MSRA: variants seen among roughly 807,000 people sequenced by gnomAD.
MSRA encodes the protein methionine sulfoxide reductase A.
Under a neutral mutation model 31.3 loss-of-function variants are expected in MSRA, and 54 were observed. The ratio of observed to expected loss-of-function variants is 1.73; its 90% CI spans 1.39 to 2.17. The LOEUF (loss-of-function observed/expected upper bound fraction) is 2.17, where lower values mean the gene tolerates loss of function less well. Among genes scored for constraint, MSRA ranks in the 30% most tolerant of loss-of-function variants. MSRA has a pLI of 0.00. For missense variants in MSRA, 507 were observed against 300.9 expected (o/e 1.69, Z -5.07); for synonymous variants, 169 against 116.5 (o/e 1.45, Z -2.90).
intron 1 of MSRA, among the ~76,000 whole-genome samples, chr8:10,207,354 G>A (rs958965162): frequency 2.0e-5 from 3 of 152,160 alleles, no homozygotes; most frequent in African/African-American, 7.2e-5. Context: ...GACATGTTCT[G>A]CTATTGTGTT....
At chr8:10,184,133 A>G (rs986993068) in intron 1 of MSRA, among the ~76,000 whole-genome samples, 2 of 148,738 alleles carry the variant, frequency 1.3e-5, no homozygotes, top group African/African-American at 5.0e-5. Context: ...GTTAGTGTTG[A>G]TAGTGATGGT....
chr8:10,335,056 G>A (rs1176333293), intron 5 of MSRA, among the ~76,000 whole-genome samples: 1 of 152,192 alleles, frequency 6.6e-6, no homozygotes, highest in East Asian at 1.9e-4. Context: ...TAGAGGCCTG[G>A]GCATGGTGCG....
intron 5 of MSRA, among the ~76,000 whole-genome samples, chr8:10,328,191 T>A (rs1189142004): frequency 6.6e-6 from 1 of 151,594 alleles, no homozygotes; most frequent in African/African-American, 2.4e-5. Flanking sequence ...AAAATGAAAG[T>A]TTGATTATTG....
chr8:10,400,219 G>T (rs1302723033), intron 5 of MSRA, among the ~76,000 whole-genome samples: 2 of 152,092 alleles, frequency 1.3e-5, no homozygotes, highest in South Asian at 2.1e-4. Flanking sequence ...GAATGGGATC[G>T]GGCTGGGGCA....
At chr8:10,110,758 G>T (rs1484638) in intron 1 of MSRA, among the ~76,000 whole-genome samples, 2 of 152,004 alleles carry the variant, frequency 1.3e-5, no homozygotes, top group Admixed American at 6.6e-5. Context: ...GTGGTGCTGC[G>T]ATCTTTCTAT....
chr8:10,343,883 C>T (rs1428995639), intron 5 of MSRA, among the ~76,000 whole-genome samples: 5 of 152,212 alleles, frequency 3.3e-5, no homozygotes, highest in African/African-American at 1.2e-4. Context: ...TATGCTACCT[C>T]AGATCCTGTT....
chr8:10,089,037 A>T (rs1798725409), intron 1 of MSRA, among the ~76,000 whole-genome samples: 1 of 152,166 alleles, frequency 6.6e-6, no homozygotes, highest in African/African-American at 2.4e-5. Context: ...ATAAAAACAG[A>T]TATATTGGAC....
intron 1 of MSRA, among the ~76,000 whole-genome samples, chr8:10,118,590 C>T (rs985353704): frequency 1.1e-4 from 17 of 152,192 alleles, no homozygotes; most frequent in African/African-American, 3.9e-4. Context: ...TCTGGGTGTC[C>T]TCATCTCCCA....
intron 2 of MSRA, among the ~76,000 whole-genome samples, chr8:10,222,828 G>C (rs1810645321): frequency 6.6e-6 from 1 of 152,200 alleles, no homozygotes; most frequent in Non-Finnish European, 1.5e-5. Flanking sequence ...TGGTTACCAG[G>C]GGCTGGAGAG....
In MSRA at chr8:10,067,800, A is replaced by G. The variant is rs974870036; in HGVS notation, c.142+13142A>G. Among the ~76,000 whole-genome samples the G allele has an allele frequency of 5.3e-5, 8 of 149,626 alleles. No individual in the cohort carries two copies. The East Asian group carries it at 9.9e-4, about 18-fold the overall frequency. ...AAGATCTTTCCTGAGCTTATTTGCC[A>G]TATTATGTTTTCTTTGGTGATGTGT... is the stretch of plus-strand genomic sequence containing the variant. On this transcript the variant is annotated intron_variant, in intron 1 of 5. Transcript: ENST00000317173.
chr8:10,107,076 A>C (rs1799936385), intron 1 of MSRA, among the ~76,000 whole-genome samples: 2 of 152,282 alleles, frequency 1.3e-5, no homozygotes, highest in East Asian at 3.9e-4. Context: ...AACCGCTGCC[A>C]TCACCCAGCT....
chr8:10,396,851 G>T (rs1374764984), intron 5 of MSRA, among the ~76,000 whole-genome samples: 11 of 152,314 alleles, frequency 7.2e-5, no homozygotes, highest in African/African-American at 2.6e-4. Flanking sequence ...GATCTGTTGA[G>T]TAAAGCCTTC....
intron 3 of MSRA, among the ~76,000 whole-genome samples, chr8:10,260,000 G>T (rs1046126026): frequency 6.6e-6 from 1 of 152,266 alleles, no homozygotes; most frequent in African/African-American, 2.4e-5. Context: ...GAAGAGGCCT[G>T]GACCTGCGTC....
In MSRA at chr8:10,271,086, C is replaced by T. The variant is rs138484053; in HGVS notation, c.331+25863C>T. 2.0e-3 allele frequency among the ~76,000 whole-genome samples: 292 copies of T among 149,470 alleles called. 1 individual carries two copies. Among genetic ancestry groups the T allele is most frequent in the African/African-American group, 6.7e-3 (272 of 40,624 alleles). On this transcript the variant is annotated intron_variant, in intron 3 of 5. Coordinates refer to ENST00000317173, the MANE Select transcript of MSRA (RefSeq NM_012331.5). ...TCTTCTTTTTTTTTTTTTTAATATTCCATAGAAGAAAAATAAAAGTTTTTA... is the reference window on the plus strand; with the variant it reads ...TCTTCTTTTTTTTTTTTTTAATATTTCATAGAAGAAAAATAAAAGTTTTTA...
intron 3 of MSRA, among the ~76,000 whole-genome samples, chr8:10,258,177 TAGTA>T (rs901594287): frequency 1.8e-4 from 28 of 152,106 alleles, no homozygotes; most frequent in African/African-American, 6.8e-4. Flanking sequence ...CCCCCATAAT[TAGTA>T]AGCGGCAGAG....
intron 1 of MSRA, among the ~76,000 whole-genome samples, chr8:10,200,477 C>T (rs930269209): frequency 2.0e-5 from 3 of 152,158 alleles, no homozygotes; most frequent in African/African-American, 7.2e-5. Context: ...GCCTTATTCC[C>T]ACCATGGCCT....
chr8:10,419,343 T>TTGTGAATTTGAGTAAGGCA lies in MSRA; in HGVS notation c.544-8793_544-8775dup, dbSNP rs531880373. On this transcript the variant is annotated intron_variant, in intron 5 of 5. Transcript: ENST00000317173. Reference sequence around the variant, plus strand: ...CTTGTCCCGGACCTACCCCTCACCCTTGTGAATTTGAGTAAGGCATGTGAA... The same window carrying TTGTGAATTTGAGTAAGGCA: ...CTTGTCCCGGACCTACCCCTCACCCTTGTGAATTTGAGTAAGGCATGTGAATTTGAGTAAGGCATGTGAA... Among the ~76,000 whole-genome samples, 587 of 152,280 alleles carry TTGTGAATTTGAGTAAGGCA rather than the reference T, an allele frequency of 3.9e-3. 3 individuals carry two copies. Among genetic ancestry groups the TTGTGAATTTGAGTAAGGCA allele is most frequent in the Admixed American group, 0.011 (164 of 15,290 alleles).
intron 1 of MSRA, among the ~76,000 whole-genome samples, chr8:10,166,388 G>C (rs1464183400): frequency 6.6e-6 from 1 of 150,944 alleles, no homozygotes; most frequent in African/African-American, 2.5e-5. Flanking sequence ...TTGTATGATA[G>C]TGTGTGCTCA....
At chr8:10,407,259 C>T (rs932614126) in intron 5 of MSRA, among the ~76,000 whole-genome samples, 5 of 152,284 alleles carry the variant, frequency 3.3e-5, no homozygotes, top group East Asian at 1.9e-4. Context: ...GGATGTGAAA[C>T]GCCCACGTTC....
Sources: allele counts gnomAD v4.1 joint callset (sites outside exome capture counted in the v4.1 genomes callset), GRCh38; gene constraint gnomAD v4.1.1; transcripts MANE v1.5; gene names NCBI Gene and HGNC (gene_info 2026-07-23, HGNC 2026-07-21).